Variants in CTNNA2 observed in about 807,000 individuals in gnomAD.
CTNNA2 encodes the protein catenin alpha-2.
In CTNNA2, 42 loss-of-function variants were observed where a neutral mutation model predicts 101.0. The observed-to-expected ratio is 0.42, with a 90% CI of 0.32 to 0.54. The LOEUF (loss-of-function observed/expected upper bound fraction) is 0.54, where lower values mean the gene tolerates loss of function less well. Ranked by LOEUF, CTNNA2 falls within the 20% of genes least tolerant of loss-of-function variation. CTNNA2 has a pLI of 0.14. For missense variants in CTNNA2, 871 were observed against 1,223.1 expected, an observed-to-expected ratio of 0.71 and a Z score of 4.29; for synonymous variants, 450 against 456.4, an observed-to-expected ratio of 0.99 and a Z score of 0.18.
At chr2:80,398,333 T>C (rs1678229827) in intron 8 of CTNNA2, among the ~76,000 whole-genome samples, 1 of 152,214 alleles carries the variant, frequency 6.6e-6, no homozygotes, top group African/African-American at 2.4e-5. Context: ...CATAAGGATA[T>C]GAGGCTATCT....
intron 4 of CTNNA2, among the ~76,000 whole-genome samples, chr2:79,384,767 C>T (rs1678078967): frequency 6.6e-6 from 1 of 152,142 alleles, no homozygotes; most frequent in South Asian, 2.1e-4. Context: ...TGTCAAAATT[C>T]TACCCGTGCT....
chr2:80,104,771 C>A (rs1700778774), intron 7 of CTNNA2, among the ~76,000 whole-genome samples: 1 of 152,214 alleles, frequency 6.6e-6, no homozygotes, highest in Admixed American at 6.5e-5. Context: ...CTAAGGAGGA[C>A]TGCATAGCCA....
intron 2 of CTNNA2, among the ~76,000 whole-genome samples, chr2:79,260,881 A>G (rs1674912905): frequency 6.6e-6 from 1 of 152,154 alleles, no homozygotes; most frequent in South Asian, 2.1e-4. Context: ...GGGCATTCAA[A>G]TTATAATGGT....
At chr2:80,623,048 TA>T (rs367889797) in intron 18 of CTNNA2, among the ~76,000 whole-genome samples, 4,518 of 121,582 alleles carry the variant, frequency 0.037, 103 homozygotes, top group African/African-American at 0.074. Context: ...CGCTAGTTTC[TA>T]AAAAAAAAAA....
intron 4 of CTNNA2, among the ~76,000 whole-genome samples, chr2:79,463,986 T>C (rs199828368): frequency 3.6e-5 from 1 of 27,490 alleles, no homozygotes; most frequent in Non-Finnish European, 9.1e-5. Flanking sequence ...TTAAAGAAAG[T>C]TTTTTTTTTT....
At chr2:80,422,439 G>GT (rs56679130) in intron 9 of CTNNA2, among the ~76,000 whole-genome samples, 7 of 145,346 alleles carry the variant, frequency 4.8e-5, no homozygotes, top group Admixed American at 1.4e-4. Context: ...CTTATAGTTT[G>GT]TTTTTTTTTT....
chr2:79,297,096 G>A (rs563207180), intron 2 of CTNNA2, among the ~76,000 whole-genome samples: 3 of 152,132 alleles, frequency 2.0e-5, no homozygotes, highest in Admixed American at 6.5e-5. Flanking sequence ...GAGAATTTGG[G>A]CATCTAATAC....
chr2:80,641,260 C>A (rs190975261), intron 18 of CTNNA2, among the ~76,000 whole-genome samples: 1 of 152,118 alleles, frequency 6.6e-6, no homozygotes, highest in African/African-American at 2.4e-5. Flanking sequence ...TTTAGCTTAG[C>A]CAGCGGTCCC....
chr2:79,999,986 G>A (rs1454935380), intron 7 of CTNNA2, among the ~76,000 whole-genome samples: 1 of 152,158 alleles, frequency 6.6e-6, no homozygotes, highest in African/African-American at 2.4e-5. Context: ...GGGAGGAACT[G>A]CAGTAATTCA....
intron 1 of CTNNA2, among the ~76,000 whole-genome samples, chr2:79,196,998 A>T (rs139390705): frequency 7.3e-4 from 111 of 152,318 alleles, no homozygotes; most frequent in African/African-American, 2.4e-3. Flanking sequence ...TCCTTGCAAG[A>T]CTTGCCTCCT....
At chr2:80,630,552 G>A (rs1208910471) in intron 18 of CTNNA2, among the ~76,000 whole-genome samples, 2 of 152,072 alleles carry the variant, frequency 1.3e-5, no homozygotes, top group African/African-American at 4.8e-5. Context: ...CAGGAGAATC[G>A]CTTGAACCCA....
intron 4 of CTNNA2, among the ~76,000 whole-genome samples, chr2:79,376,954 G>A (rs751697828): frequency 3.0e-4 from 45 of 152,064 alleles, no homozygotes; most frequent in Admixed American, 2.6e-4. Context: ...ATACGTGTGC[G>A]TGTGTCTTTA....
At chr2:79,927,306 A>G (rs1303361356) in intron 7 of CTNNA2, among the ~76,000 whole-genome samples, 2 of 152,168 alleles carry the variant, frequency 1.3e-5, no homozygotes, top group African/African-American at 4.8e-5. Flanking sequence ...TAGGTAATAT[A>G]TGCAGTGTTT....
intron 7 of CTNNA2, among the ~76,000 whole-genome samples, chr2:80,198,569 T>C (rs755898021): frequency 1.3e-5 from 2 of 152,192 alleles, no homozygotes; most frequent in Non-Finnish European, 2.9e-5. Context: ...TTTTTAACAG[T>C]GTGCTTTTCA....
intron 7 of CTNNA2, chr2:80,288,719 T>C (rs1190620367): frequency 5.9e-5 from 9 of 152,326 alleles, no homozygotes; most frequent in Admixed American, 5.9e-4. Flanking sequence ...GGGCACCAGC[T>C]TGGAGCTCGA....
At chr2:80,343,012 G>A (rs776365204) in intron 7 of CTNNA2, among the ~76,000 whole-genome samples, 11 of 152,234 alleles carry the variant, frequency 7.2e-5, no homozygotes, top group East Asian at 3.9e-4. Flanking sequence ...GTGAAAGAAC[G>A]GAGTGATCTT....
chr2:79,921,171 GT>G (rs1686627213), intron 7 of CTNNA2, among the ~76,000 whole-genome samples: 2 of 152,162 alleles, frequency 1.3e-5, no homozygotes, highest in Admixed American at 1.3e-4. Flanking sequence ...TGCTGAGGGG[GT>G]TTTGATCTCT....
At chr2:79,321,760 C>T (rs972993005) in intron 3 of CTNNA2, among the ~76,000 whole-genome samples, 4 of 152,076 alleles carry the variant, frequency 2.6e-5, no homozygotes, top group Non-Finnish European at 5.9e-5. Flanking sequence ...TCTTTGGAGT[C>T]AACCTCACCT....
At chr2:80,614,544 T>C (rs1342815523) in intron 17 of CTNNA2, among the ~76,000 whole-genome samples, 1 of 151,378 alleles carries the variant, frequency 6.6e-6, no homozygotes, top group African/African-American at 2.4e-5. Context: ...GACTGTATCT[T>C]GGGATATGTG....
Sources: allele counts gnomAD v4.1 joint callset (sites outside exome capture counted in the v4.1 genomes callset), GRCh38; gene constraint gnomAD v4.1.1; transcripts MANE v1.5; gene names NCBI Gene and HGNC (gene_info 2026-07-23, HGNC 2026-07-21).